The following ADCYAP1R1 variants were observed in gnomAD, a reference collection of about 807,000 sequenced individuals.
ADCYAP1R1 encodes ADCYAP receptor type I.
Under a neutral mutation model 67.6 loss-of-function variants are expected in ADCYAP1R1, and 44 were observed. The observed-to-expected ratio is 0.65, with a 90% confidence interval of 0.51 to 0.84. ADCYAP1R1 has a LOEUF of 0.84. Among genes scored for constraint, ADCYAP1R1 ranks in the 40% least tolerant of loss-of-function variants. ADCYAP1R1 has a pLI of 0.00. For missense variants in ADCYAP1R1, 477 were observed against 587.9 expected (o/e 0.81, Z 1.95); for synonymous variants, 222 against 219.6 (o/e 1.01, Z -0.10).
intron 1 of ADCYAP1R1, among the ~76,000 whole-genome samples, 171 bp downstream of exon 1, chr7:31,052,849 A>G (rs1477546262): frequency 6.6e-6 from 1 of 152,030 alleles, no homozygotes; most frequent in Non-Finnish European, 1.5e-5. Flanking sequence ...CAAGCCTCCC[A>G]GATCTGAAAT....
intron 3 of ADCYAP1R1, among the ~76,000 whole-genome samples, chr7:31,070,622 A>C (rs1052699723): frequency 1.3e-5 from 2 of 152,234 alleles, no homozygotes; most frequent in Non-Finnish European, 2.9e-5. Flanking sequence ...CTCAAAAGGC[A>C]TCAAGCCTGA....
At chr7:31,078,505 T>A (rs560289266) in intron 4 of ADCYAP1R1, among the ~76,000 whole-genome samples, 30 of 152,234 alleles carry the variant, frequency 2.0e-4, no homozygotes, top group Admixed American at 1.7e-3. Flanking sequence ...TTAGCTGGGA[T>A]AATTGTCACC....
rs1795753401 is a variant in ADCYAP1R1, at chr7:31,086,612, C to CTTTGG, written c.823+77_823+78insTGGTT. 1.3e-6 allele frequency: 2 copies of CTTTGG among 1,569,124 alleles called. No individual in the cohort carries two copies. Among genetic ancestry groups the CTTTGG allele is most frequent in the African/African-American group, 2.7e-5 (2 of 73,932 alleles). On this transcript the variant is annotated intron_variant, in intron 10 of 15. Coordinates refer to ENST00000304166, the MANE Select transcript of ADCYAP1R1 (RefSeq NM_001118.5). This position sits in a 1 kb window ranked among gnomAD's most constrained non-coding sequence, Gnocchi z 5.0. ...TGTCCAGGTGTGTCTTTGGTTCCAT[C>CTTTGG]TTCAGGAAGTGTCAGGTGAGGAGGG...
At chr7:31,095,799 C>A (rs1321379756) in intron 13 of ADCYAP1R1, 1 of 712,972 alleles carries the variant, frequency 1.4e-6, no homozygotes, top group South Asian at 1.5e-5. Context: ...CCTCCATAGA[C>A]CAAGACGGTA....
intron 1 of ADCYAP1R1, 25 bp from the exon 2 acceptor site, chr7:31,063,169 A>C: frequency 6.7e-7 from 1 of 1,496,224 alleles, no homozygotes; most frequent in Non-Finnish European, 9.3e-7. Flanking sequence ...GGCTCACAGG[A>C]TTCACACCTT....
intron 4 of ADCYAP1R1, among the ~76,000 whole-genome samples, chr7:31,078,723 G>C (rs1345237326): frequency 6.6e-6 from 1 of 152,176 alleles, no homozygotes; most frequent in African/African-American, 2.4e-5. Context: ...GCATTTTCTG[G>C]GCCCTAGCTG....
intron 6 of ADCYAP1R1, 152 bp downstream of exon 6, chr7:31,081,906 A>C (rs1307127297): frequency 1.7e-6 from 1 of 584,618 alleles, no homozygotes; most frequent in Non-Finnish European, 3.0e-6. Context: ...ATAAAGGTAC[A>C]GATTATCTTC....
At chr7:31,079,397 A>G (rs933461213) in intron 4 of ADCYAP1R1, among the ~76,000 whole-genome samples, 14 of 152,090 alleles carry the variant, frequency 9.2e-5, no homozygotes, top group African/African-American at 3.1e-4. Flanking sequence ...GGGGCTCCCG[A>G]GGGTATCAGA....
At chr7:31,070,203 G>A (rs948636179) in intron 3 of ADCYAP1R1, among the ~76,000 whole-genome samples, 11 of 152,246 alleles carry the variant, frequency 7.2e-5, no homozygotes, top group South Asian at 4.1e-4. Context: ...CCCAGGCTCC[G>A]TTCCTTCTGC....
chr7:31,073,133 G>T (rs1163216728), intron 3 of ADCYAP1R1, among the ~76,000 whole-genome samples: 1 of 152,174 alleles, frequency 6.6e-6, no homozygotes, highest in Non-Finnish European at 1.5e-5. Context: ...CAGTAAGTTT[G>T]CTTACAAACT....
rs1562661765 is a variant in ADCYAP1R1, at chr7:31,106,606, C to T, written c.1329C>T (p.Gly443=). The T allele has an allele frequency of 1.2e-6, 2 of 1,613,990 alleles. No individual in the cohort carries two copies. Among genetic ancestry groups the T allele is most frequent in the Non-Finnish European group, 1.7e-6 (2 of 1,179,896 alleles). The change falls in exon 16 of 16, where the codon GGC becomes GGT. Residue 443 remains glycine (G), a synonymous_variant. Coordinates refer to ENST00000304166, the MANE Select transcript of ADCYAP1R1 (RefSeq NM_001118.5). ...PSLASSGVNG[G]TQLSILSKSS... is the part of the protein sequence containing the mutation. ...TGGCCAGCAGTGGGGTGAATGGGGGCACCCAGCTCTCCATCCTGAGCAAGA... is the reference window on the plus strand; with the variant it reads ...TGGCCAGCAGTGGGGTGAATGGGGGTACCCAGCTCTCCATCCTGAGCAAGA...
At chr7:31,077,175 G>T (rs1440469216) in intron 3 of ADCYAP1R1, among the ~76,000 whole-genome samples, 1 of 152,154 alleles carries the variant, frequency 6.6e-6, no homozygotes, top group Non-Finnish European at 1.5e-5. Flanking sequence ...ACCACTCCCG[G>T]CCCCCTGCAA....
intron 12 of ADCYAP1R1, among the ~76,000 whole-genome samples, chr7:31,088,534 G>A (rs1795842599): frequency 6.6e-6 from 1 of 152,170 alleles, no homozygotes; most frequent in Non-Finnish European, 1.5e-5. Flanking sequence ...CAATCCAGCT[G>A]AAATTTTATT....
At chr7:31,100,175 C>T (rs1796380993) in intron 13 of ADCYAP1R1, 1 of 1,550,618 alleles carries the variant, frequency 6.4e-7, no homozygotes, top group Non-Finnish European at 8.7e-7. Context: ...CTCAGCAGCA[C>T]TCTTGCAAGA....
At chr7:31,069,365 C>T (rs1794879836) in intron 3 of ADCYAP1R1, among the ~76,000 whole-genome samples, 1 of 152,204 alleles carries the variant, frequency 6.6e-6, no homozygotes, top group Admixed American at 6.5e-5. Context: ...GCACACACGC[C>T]ATGCACAGAA....
intron 6 of ADCYAP1R1, among the ~76,000 whole-genome samples, chr7:31,082,339 C>T (rs1321759584): frequency 1.3e-5 from 2 of 152,068 alleles, no homozygotes; most frequent in African/African-American, 2.4e-5. Context: ...CTCCATCTTC[C>T]GGAGATTTCT....
chr7:31,052,727 T>C, intron 1 of ADCYAP1R1, 49 bp downstream of exon 1: 1 of 103,016 alleles, frequency 9.7e-6, no homozygotes, highest in Non-Finnish European at 1.9e-5. Context: ...GGCCGTCTTC[T>C]CCCCCTCCAG....
intron 13 of ADCYAP1R1, among the ~76,000 whole-genome samples, chr7:31,095,338 C>T (rs768428158): frequency 1.1e-4 from 16 of 152,136 alleles, no homozygotes; most frequent in Non-Finnish European, 1.8e-4. Context: ...CATCCCTGTC[C>T]TCAAGGAATG....
intron 2 of ADCYAP1R1, 38 bp downstream of exon 2, chr7:31,063,353 T>A: frequency 1.2e-6 from 2 of 1,611,600 alleles, no homozygotes; most frequent in Non-Finnish European, 1.7e-6. Context: ...AGCCCCAGGC[T>A]CACCTGAGTC....
Sources: allele counts gnomAD v4.1 joint callset (sites outside exome capture counted in the v4.1 genomes callset), GRCh38; gene constraint gnomAD v4.1.1; non-coding constraint Gnocchi (gnomAD v3.1); transcripts MANE v1.5; gene names NCBI Gene and HGNC (gene_info 2026-07-23, HGNC 2026-07-21).